The following DKK1 variants were observed in gnomAD, a reference collection of about 807,000 sequenced individuals.
DKK1 encodes the protein dickkopf-related protein 1.
Under a neutral mutation model 26.0 loss-of-function variants are expected in DKK1, and 18 were observed. The observed-to-expected ratio is 0.69, with a 90% CI of 0.48 to 1.03. DKK1 has a LOEUF of 1.03. Among genes scored for constraint, DKK1 ranks in the 50% least tolerant of loss-of-function variants. The pLI is 0.00. For synonymous variants in DKK1, 130 were observed against 132.6 expected (o/e 0.98, Z 0.13); for missense variants, 335 against 348.5 (o/e 0.96, Z 0.31).
chr10:52,315,794 T>C (rs1842611214), intron 2 of DKK1, among the ~76,000 whole-genome samples: 1 of 152,188 alleles, frequency 6.6e-6, no homozygotes. Context: ...GACCCAGCAG[T>C]ACTCCAGGAT....
intron 2 of DKK1, among the ~76,000 whole-genome samples, chr10:52,315,521 G>T (rs1231651501): frequency 6.6e-6 from 1 of 152,184 alleles, no homozygotes; most frequent in African/African-American, 2.4e-5. Flanking sequence ...AGTTTTGCCA[G>T]ACTGGCCTCG....
In DKK1 at chr10:52,316,793, T is replaced by A; in HGVS notation, c.787T>A (p.Cys263Ser). ...QASNSSRLHTCQRH is the reference protein window; with the variant it reads ...QASNSSRLHTSQRH ...CAGTAATTCTTCTAGGCTTCACACT[T>A]GTCAGAGACACTAAACCAGCTATCC... The change falls in exon 4 of 4, where the codon TGT (cysteine) becomes AGT (serine). Residue 263 changes from cysteine to serine, a missense_variant. Cys to Ser is a moderately radical substitution (Grantham distance 112). Coordinates refer to ENST00000373970, the MANE Select transcript of DKK1 (RefSeq NM_012242.4). 1 of 1,614,096 alleles carries A rather than the reference T, an allele frequency of 6.2e-7. No homozygotes were observed. The highest frequency in any genetic ancestry group is 8.5e-7 in the Non-Finnish European group (1 of 1,179,962).
In DKK1 at chr10:52,315,082, A is replaced by C. The variant is rs756399342; in HGVS notation, c.403A>C (p.Asn135His). ...AMCCPGNYCK[N>H]GICVSSDQNH... is the part of the protein sequence containing the mutation. ...GTGCTGCCCCGGGAATTACTGCAAAAATGGTGAGTCCTGAAAGCTCCCTTT... is the reference window on the plus strand; with the variant it reads ...GTGCTGCCCCGGGAATTACTGCAAACATGGTGAGTCCTGAAAGCTCCCTTT... The change falls in exon 2 of 4, where the codon AAT becomes CAT. Residue 135 changes from asparagine (N) to histidine (H), a missense_variant. Coordinates refer to ENST00000373970, the MANE Select transcript of DKK1 (RefSeq NM_012242.4). 1.4e-6 allele frequency: 2 copies of C among 1,463,436 alleles called. No homozygotes were observed. Among genetic ancestry groups the C allele is most frequent in the Admixed American group, 3.8e-5 (2 of 52,028 alleles). The allele number at this position is 1,463,436 out of a possible 1,614,324, so 90.7% of individuals were successfully genotyped here. A position where few individuals can be genotyped will look rare whatever the true frequency, so the allele number is the denominator to read the frequency against.
rs1372290719 is a variant in DKK1, at chr10:52,316,630, G to C, written c.624G>C (p.Lys208Asn). 1 of 1,614,098 alleles carries C rather than the reference G, an allele frequency of 6.2e-7. No homozygotes were observed. Among genetic ancestry groups the C allele is most frequent in the Non-Finnish European group, 8.5e-7 (1 of 1,180,018 alleles). Reference sequence around the variant, plus strand: ...GTTGTGCTAGACACTTCTGGTCCAAGATCTGTAAACCTGTCCTGAAAGAAG... The same window carrying C: ...GTTGTGCTAGACACTTCTGGTCCAACATCTGTAAACCTGTCCTGAAAGAAG... ...GLCCARHFWS[K>N]ICKPVLKEGQ... Residue 208 changes from lysine (K) to asparagine (N), a missense_variant, in exon 4 of 4, where the codon AAG becomes AAC. Transcript: ENST00000373970.
At chr10:52,316,499 G>T (rs144664831) in intron 3 of DKK1, 55 bp from the exon 4 acceptor site, 3 of 1,609,918 alleles carry the variant, frequency 1.9e-6, no homozygotes, top group Non-Finnish European at 2.5e-6. Context: ...TTAGTGAAAC[G>T]ATGCAGGTTT....
In DKK1 at chr10:52,316,742, C is replaced by A. The variant is rs767752415; in HGVS notation, c.736C>A (p.Arg246=). 1.2e-6 allele frequency: 2 copies of A among 1,614,076 alleles called. No homozygotes were observed. The highest frequency in any genetic ancestry group is 3.3e-5 in the Admixed American group (2 of 60,016). Residue 246 remains arginine (R), a synonymous_variant, in exon 4 of 4, where the codon CGG becomes AGG. Transcript: ENST00000373970. ...RCYCGEGLSC[R]IQKDHHQASN... ...TTACTGTGGAGAAGGTCTGTCTTGC[C>A]GGATACAGAAAGATCACCATCAAGC...
chr10:52,317,064 T>C lies in DKK1; in HGVS notation c.*257T>C. On this transcript the variant is annotated 3_prime_UTR_variant, in exon 4 of 4. Coordinates refer to ENST00000373970, the MANE Select transcript of DKK1 (RefSeq NM_012242.4). ...ATGCAATGAAACTTTTAATTATTTT[T>C]CTAAAGGTGCTGCACTGCCTATTTT... is the stretch of plus-strand genomic sequence containing the variant. The C allele has an allele frequency of 2.2e-6, 1 of 463,884 alleles. No individual in the cohort carries two copies. Among genetic ancestry groups the C allele is most frequent in the Non-Finnish European group, 3.8e-6 (1 of 260,742 alleles). The allele number at this position is 463,884 out of a possible 1,614,324, so 28.7% of individuals were successfully genotyped here. A position where few individuals can be genotyped will look rare whatever the true frequency, so the allele number is the denominator to read the frequency against.
At position 52,316,542 on chromosome 10, in the gene DKK1, TCTC is replaced by T. The variant is rs1842619030; in HGVS notation, c.548-9_548-7del. 1 of 1,613,600 alleles carries T rather than the reference TCTC, an allele frequency of 6.2e-7. No individual in the cohort carries two copies. The highest frequency in any genetic ancestry group is 2.2e-5 in the East Asian group (1 of 44,884). On this transcript the variant is annotated splice_polypyrimidine_tract_variant and intron_variant, in intron 3 of 3. Coordinates refer to ENST00000373970, the MANE Select transcript of DKK1 (RefSeq NM_012242.4). ...ACTATGTACTTTTTTCCTACTGTCT[TCTC>T]CTTCGTAGGACAAGAAGGTTCTGTT...
intron 2 of DKK1, 41 bp downstream of exon 2, chr10:52,315,126 C>G (rs1842603335): frequency 5.9e-6 from 6 of 1,011,406 alleles, no homozygotes; most frequent in East Asian, 8.5e-5. Context: ...AACTGTCCAG[C>G]CTTTGAGCGT....
In DKK1 at chr10:52,314,859, G is replaced by T. The variant is rs1842600047; in HGVS notation, c.244-64G>T. The T allele has an allele frequency of 1.4e-5, 21 of 1,458,916 alleles. No individual in the cohort carries two copies. The South Asian group carries it at 2.9e-4, about 20-fold the overall frequency. 90.4% of individuals were successfully genotyped at this position (1,458,916 alleles called of 1,614,324 possible). ...AGATAAGGACTGTGATCAGCGCCCG[G>T]GTCCAAGAGGGCGGGTACCTGGACG... On this transcript the variant is annotated intron_variant, in intron 1 of 3. Coordinates refer to ENST00000373970, the MANE Select transcript of DKK1 (RefSeq NM_012242.4). This position sits in a 1 kb window ranked among gnomAD's most constrained non-coding sequence, Gnocchi z 5.7.
In DKK1 at chr10:52,316,975, G is replaced by T; in HGVS notation, c.*168G>T. On this transcript the variant is annotated 3_prime_UTR_variant, in exon 4 of 4. Coordinates refer to ENST00000373970, the MANE Select transcript of DKK1 (RefSeq NM_012242.4). ...AGTGTAAGAGCTTTGTTTCTTTATG[G>T]AACTCCCCTGTGATTGCAGTAAATT... The T allele has an allele frequency of 1.5e-6, 1 of 686,570 alleles. No homozygotes were observed. Among genetic ancestry groups the T allele is most frequent in the Non-Finnish European group, 2.4e-6 (1 of 417,906 alleles). 42.5% of individuals were successfully genotyped at this position (686,570 alleles called of 1,614,324 possible). A position where few individuals can be genotyped will look rare whatever the true frequency, so the allele number is the denominator to read the frequency against.
At chr10:52,315,175 G>A (rs1431568218) in intron 2 of DKK1, 90 bp downstream of exon 2, 1 of 174,354 alleles carries the variant, frequency 5.7e-6, no homozygotes, top group Non-Finnish European at 1.3e-5. Context: ...GGGGGGGTGG[G>A]GGGAGAAATC....
rs1842624054 is a variant in DKK1, at chr10:52,317,062, T to C, written c.*255T>C. 1 of 466,282 alleles carries C rather than the reference T, an allele frequency of 2.1e-6. No homozygotes were observed. Among genetic ancestry groups the C allele is most frequent in the Admixed American group, 3.9e-5 (1 of 25,822 alleles). 28.9% of individuals were successfully genotyped at this position (466,282 alleles called of 1,614,324 possible). On this transcript the variant is annotated 3_prime_UTR_variant, in exon 4 of 4. Coordinates refer to ENST00000373970, the MANE Select transcript of DKK1 (RefSeq NM_012242.4). ...AAATGCAATGAAACTTTTAATTATT[T>C]TTCTAAAGGTGCTGCACTGCCTATT...
At position 52,314,853 on chromosome 10, in the gene DKK1, C is replaced by G; in HGVS notation, c.244-70C>G. Reference sequence around the variant, plus strand: ...GTGGACAGATAAGGACTGTGATCAGCGCCCGGGTCCAAGAGGGCGGGTACC... The same window carrying G: ...GTGGACAGATAAGGACTGTGATCAGGGCCCGGGTCCAAGAGGGCGGGTACC... On this transcript the variant is annotated intron_variant, in intron 1 of 3. Coordinates refer to ENST00000373970, the MANE Select transcript of DKK1 (RefSeq NM_012242.4). This position sits in a 1 kb window ranked among gnomAD's most constrained non-coding sequence, Gnocchi z 5.7. The G allele has an allele frequency of 1.4e-6, 2 of 1,458,986 alleles. No individual in the cohort carries two copies. Among genetic ancestry groups the G allele is most frequent in the Non-Finnish European group, 1.8e-6 (2 of 1,100,904 alleles). The allele number at this position is 1,458,986 out of a possible 1,614,324, so 90.4% of individuals were successfully genotyped here. A position where few individuals can be genotyped will look rare whatever the true frequency, so the allele number is the denominator to read the frequency against.
In DKK1 at chr10:52,314,401, TTC is replaced by T. The variant is rs1204695272; in HGVS notation, c.-30_-29del. ...CCAGGCTTGCAAAGTGACGGTCATT[TTC>T]TCTTTCTTTCTCCCTCTTGAGTCCT... On this transcript the variant is annotated 5_prime_UTR_variant, in exon 1 of 4. Coordinates refer to ENST00000373970, the MANE Select transcript of DKK1 (RefSeq NM_012242.4). The surrounding 1 kb of genome is among the most constrained non-coding windows in gnomAD (Gnocchi z 5.7). 1.2e-6 allele frequency: 2 copies of T among 1,610,160 alleles called. No individual in the cohort carries two copies. Among genetic ancestry groups the T allele is most frequent in the South Asian group, 2.2e-5 (2 of 90,976 alleles).
At chr10:52,315,372 C>G in intron 2 of DKK1, 1 of 298,068 alleles carries the variant, frequency 3.4e-6, no homozygotes, top group East Asian at 5.7e-5. Flanking sequence ...TGGACTCTTC[C>G]ATAAAAATTT....
At chr10:52,315,315 CT>C (rs1003174787) in intron 2 of DKK1, 1 of 405,182 alleles carries the variant, frequency 2.5e-6, no homozygotes, top group African/African-American at 2.0e-5. Flanking sequence ...AGGTCCTTAT[CT>C]TCCTCCGTGT....
intron 2 of DKK1, 115 bp downstream of exon 2, chr10:52,315,200 A>T (rs900065687): frequency 7.4e-6 from 7 of 951,366 alleles, no homozygotes; most frequent in African/African-American, 1.7e-5. Flanking sequence ...CCCTGAGAAC[A>T]CTGCGGCGCC....
In DKK1 at chr10:52,314,454, C is replaced by A; in HGVS notation, c.20C>A (p.Ala7Glu). 1 of 1,613,960 alleles carries A rather than the reference C, an allele frequency of 6.2e-7. No individual in the cohort carries two copies. The highest frequency in any genetic ancestry group is 8.5e-7 in the Non-Finnish European group (1 of 1,180,016). The change falls in exon 1 of 4, where the codon GCG (alanine) becomes GAG (glutamate). Residue 7 changes from alanine (A) to glutamate (E), a missense_variant. Coordinates refer to ENST00000373970, the MANE Select transcript of DKK1 (RefSeq NM_012242.4). This position sits in a 1 kb window ranked among gnomAD's most constrained non-coding sequence, Gnocchi z 5.7. The stretch of plus-strand genomic sequence containing the variant: ...TCTGAGATGATGGCTCTGGGCGCAG[C>A]GGGAGCTACCCGGGTCTTTGTCGCG... Reference protein sequence around the residue: MMALGAAGATRVFVAMV... With the variant: MMALGAEGATRVFVAMV...
Sources: gnomAD v4.1 joint callset for allele counts (sites outside exome capture counted in the v4.1 genomes callset) on GRCh38, gnomAD v4.1.1 for gene constraint, Gnocchi (gnomAD v3.1) non-coding constraint, MANE v1.5 for transcripts, NCBI Gene and HGNC (gene_info 2026-07-23, HGNC 2026-07-21) for gene names.